METAP2: variants seen among roughly 807,000 people sequenced by gnomAD.
The protein encoded by METAP2 is methionyl aminopeptidase 2, also known as methionine aminopeptidase 2.
Under a neutral mutation model 59.4 loss-of-function variants are expected in METAP2, and 25 were observed. The observed-to-expected ratio is 0.42, with a 90% confidence interval of 0.31 to 0.59. METAP2 has a LOEUF of 0.59. Among genes scored for constraint, METAP2 ranks in the 20% least tolerant of loss-of-function variants. The pLI is 0.16. For missense variants in METAP2, 366 were observed against 581.2 expected (o/e 0.63, Z 3.81); for synonymous variants, 214 against 194.1 (o/e 1.10, Z -0.85).
chr12:95,481,424 A>G (rs2076157420), intron 2 of METAP2, among the ~76,000 whole-genome samples: 1 of 152,132 alleles, frequency 6.6e-6, no homozygotes, highest in Non-Finnish European at 1.5e-5. Flanking sequence ...AAAACCAAAA[A>G]AACCAACCAT....
Position 95,490,124 on chromosome 12 carries a change from C to T in METAP2, c.429-3932C>T, listed in dbSNP as rs187573093. 6.3e-3 allele frequency among the ~76,000 whole-genome samples: 935 copies of T among 147,602 alleles called. 13 individuals are homozygous for T. The highest frequency in any genetic ancestry group is 0.011 in the Non-Finnish European group (723 of 67,244). ...TTTTCTTTTTTTTTTTGTTTTGAGA[C>T]AAGGTCTCACTCTGTCAGCCAGGCT... On this transcript the variant is annotated intron_variant, in intron 4 of 10. Transcript: ENST00000323666.
At chr12:95,482,224 A>G (rs954748624) in intron 2 of METAP2, 2 of 440,940 alleles carry the variant, frequency 4.5e-6, no homozygotes, top group Admixed American at 2.5e-5. Context: ...ATCCTCCCAC[A>G]TCTCAGCTTT....
chr12:95,501,779 G>T (rs2076317858), intron 7 of METAP2, among the ~76,000 whole-genome samples: 1 of 149,600 alleles, frequency 6.7e-6, no homozygotes, highest in Non-Finnish European at 1.5e-5. Flanking sequence ...AATAGTGTTT[G>T]CAGACTATTG....
At position 95,476,104 on chromosome 12, in the gene METAP2, C is replaced by T; in HGVS notation, c.185C>T (p.Ala62Val). Residue 62 changes from alanine to valine, a missense_variant, in exon 2 of 11, where the codon GCC becomes GTC. This residue lies in a region of METAP2 where 177 missense variants were observed against 180.3 expected (regional missense o/e 0.98). Coordinates refer to ENST00000323666, the MANE Select transcript of METAP2 (RefSeq NM_006838.4). Reference sequence around the variant, plus strand: ...CAGGAACCTGATAAAGAATCAGGAGCCTCAGTGGATGAAGTAGCAAGACAG... The same window carrying T: ...CAGGAACCTGATAAAGAATCAGGAGTCTCAGTGGATGAAGTAGCAAGACAG... ...GEQEPDKESG[A>V]SVDEVARQLE... is the part of the protein sequence containing the mutation. The T allele has an allele frequency of 6.2e-7, 1 of 1,611,284 alleles. No individual in the cohort carries two copies. The highest frequency in any genetic ancestry group is 8.5e-7 in the Non-Finnish European group (1 of 1,178,802).
intron 4 of METAP2, among the ~76,000 whole-genome samples, chr12:95,490,898 G>A (rs943737050): frequency 1.3e-5 from 2 of 152,038 alleles, no homozygotes; most frequent in Middle Eastern, 3.4e-3. Context: ...TGTGTTTTCC[G>A]TAAACTGGAA....
chr12:95,494,045 C>G lies in METAP2; in HGVS notation c.429-11C>G. The stretch of plus-strand genomic sequence containing the variant: ...TTTTATCACTAATAGTATTCTATGC[C>G]CACTCTAAAGGCGAACAGCTGCTTG... On this transcript the variant is annotated splice_polypyrimidine_tract_variant and intron_variant, in intron 4 of 10. Transcript: ENST00000323666. 6.2e-7 allele frequency: 1 copy of G among 1,611,268 alleles called. No individual in the cohort carries two copies. The highest frequency in any genetic ancestry group is 1.1e-5 in the South Asian group (1 of 90,874).
rs868098954 is a variant in METAP2 at position 95,508,523 on chromosome 12, T to C, written c.965-3372T>C. 2.6e-5 allele frequency among the ~76,000 whole-genome samples: 4 copies of C among 152,254 alleles called. No homozygotes were observed. The South Asian group carries it at 8.3e-4, about 31-fold the overall frequency. The stretch of plus-strand genomic sequence containing the variant: ...TCTATTTCCAAATTCGTGAGTCTTA[T>C]GTCAACTTGGAGTACACACTGTAGC... On this transcript the variant is annotated intron_variant, in intron 8 of 10. Coordinates refer to ENST00000323666, the MANE Select transcript of METAP2 (RefSeq NM_006838.4).
chr12:95,483,963 A>G (rs2076177910), intron 3 of METAP2, among the ~76,000 whole-genome samples: 2 of 152,156 alleles, frequency 1.3e-5, no homozygotes, highest in Admixed American at 1.3e-4. Flanking sequence ...ATTTGTATAA[A>G]ATATCCTGCT....
intron 8 of METAP2, among the ~76,000 whole-genome samples, chr12:95,506,184 C>T (rs1475508356): frequency 1.3e-5 from 2 of 152,022 alleles, no homozygotes; most frequent in South Asian, 2.1e-4. Flanking sequence ...CTCAAGCACT[C>T]GGTGGAGTGC....
intron 8 of METAP2, among the ~76,000 whole-genome samples, chr12:95,507,416 G>A (rs2076369548): frequency 6.6e-6 from 1 of 152,174 alleles, no homozygotes; most frequent in African/African-American, 2.4e-5. Context: ...AGCCAAACAA[G>A]CCTAACACTC....
chr12:95,503,162 A>G (rs1241791319), intron 7 of METAP2, among the ~76,000 whole-genome samples: 1 of 152,074 alleles, frequency 6.6e-6, no homozygotes, highest in East Asian at 1.9e-4. Context: ...TCAATGTGAT[A>G]TGGTAATTCT....
intron 3 of METAP2, among the ~76,000 whole-genome samples, chr12:95,485,179 TGAG>T (rs1349351295): frequency 2.5e-5 from 3 of 121,038 alleles, no homozygotes; most frequent in Non-Finnish European, 5.7e-5. Flanking sequence ...ATTTTGTAGA[TGAG>T]GAAACTGAGG....
chr12:95,487,055 A>G (rs918021887), intron 4 of METAP2, among the ~76,000 whole-genome samples: 3 of 152,208 alleles, frequency 2.0e-5, no homozygotes, highest in Non-Finnish European at 4.4e-5. Flanking sequence ...TTCCTCATCC[A>G]TAAAATGGGC....
Position 95,495,993 on chromosome 12 carries a change from T to C in METAP2, c.773-11T>C. 6 of 1,497,884 alleles carry C rather than the reference T, an allele frequency of 4.0e-6. No individual in the cohort carries two copies. Among genetic ancestry groups the C allele is most frequent in the Non-Finnish European group, 4.6e-6 (5 of 1,086,504 alleles). 92.8% of individuals were successfully genotyped at this position (1,497,884 alleles called of 1,614,324 possible). On this transcript the variant is annotated splice_polypyrimidine_tract_variant and intron_variant, in intron 6 of 10. Coordinates refer to ENST00000323666, the MANE Select transcript of METAP2 (RefSeq NM_006838.4). ...GATAAGTAAAATTAAAAGAGGAATTTTCTCTTTCAGGTAGGATTATTGACT... is the reference window on the plus strand; with the variant it reads ...GATAAGTAAAATTAAAAGAGGAATTCTCTCTTTCAGGTAGGATTATTGACT...
intron 8 of METAP2, among the ~76,000 whole-genome samples, chr12:95,507,605 T>C (rs539639996): frequency 6.6e-6 from 1 of 152,372 alleles, no homozygotes; most frequent in South Asian, 2.1e-4. Flanking sequence ...GCTCAAACAC[T>C]GCGTTAAGGA....
intron 8 of METAP2, 100 bp from the exon 9 acceptor site, chr12:95,511,795 G>T: frequency 1.4e-6 from 1 of 730,108 alleles, no homozygotes; most frequent in Non-Finnish European, 2.2e-6. Context: ...GCCATACCTG[G>T]TTTTTGAATA....
chr12:95,512,087 G>C (rs1436559048), intron 9 of METAP2, 89 bp downstream of exon 9: 42 of 867,658 alleles, frequency 4.8e-5, no homozygotes, highest in Non-Finnish European at 6.2e-5. Context: ...TGGTTATACT[G>C]ACCAGAATTA....
intron 4 of METAP2, among the ~76,000 whole-genome samples, chr12:95,490,134 C>A (rs530106133): frequency 1.3e-5 from 2 of 150,142 alleles, no homozygotes; most frequent in African/African-American, 2.5e-5. Context: ...CAAGGTCTCA[C>A]TCTGTCAGCC....
intron 2 of METAP2, among the ~76,000 whole-genome samples, chr12:95,478,784 A>G (rs1476484532): frequency 6.6e-6 from 1 of 152,230 alleles, no homozygotes; most frequent in East Asian, 1.9e-4. Context: ...TGGAAGGAAT[A>G]GAACTTGAGT....
Sources: allele counts gnomAD v4.1 joint callset (sites outside exome capture counted in the v4.1 genomes callset), GRCh38; gene constraint gnomAD v4.1.1; regional missense constraint gnomAD v4.1.1; transcripts MANE v1.5; gene names NCBI Gene and HGNC (gene_info 2026-07-23, HGNC 2026-07-21).